GGA2: variants seen among roughly 807,000 people sequenced by gnomAD.
GGA2 encodes the protein ADP-ribosylation factor-binding protein GGA2.
A neutral mutation model predicts 79.5 loss-of-function variants in GGA2; 48 were observed. That is an observed-to-expected ratio of 0.60 (90% CI 0.48 to 0.77). GGA2 has a LOEUF of 0.77. GGA2 is among the 30% of genes least tolerant of loss of function. The probability of loss-of-function intolerance (pLI) is 0.00; values close to 1 mark genes in which losing one functional copy is unlikely to be tolerated. For synonymous variants in GGA2, 317 were observed against 302.0 expected, an observed-to-expected ratio of 1.05 and a Z score of -0.51; for missense variants, 770 against 774.0, an observed-to-expected ratio of 0.99 and a Z score of 0.06.
intron 11 of GGA2, 50 bp from the exon 12 acceptor site, chr16:23,478,961 C>G: frequency 7.7e-7 from 1 of 1,294,578 alleles, no homozygotes; most frequent in Non-Finnish European, 1.1e-6. Flanking sequence ...CCACCTGCTT[C>G]CAGATGAAGA....
chr16:23,510,537 G>A (rs975698956), upstream of GGA2: 1 of 370,046 alleles, frequency 2.7e-6, no homozygotes. Context: ...GGCCGCTGGC[G>A]CCACGCCCAC....
chr16:23,514,800 G>GT (rs1330444227), upstream of GGA2, among the ~76,000 whole-genome samples: 1 of 152,156 alleles, frequency 6.6e-6, no homozygotes, highest in Non-Finnish European at 1.5e-5. Context: ...GAGGAAAGAT[G>GT]TAAGGTATAG....
At chr16:23,516,890 A>G (rs895255316) in intron 2 of GGA2, among the ~76,000 whole-genome samples, 3 of 152,130 alleles carry the variant, frequency 2.0e-5, no homozygotes, top group African/African-American at 7.2e-5. Context: ...AGCTGACATG[A>G]AGGAGGAAGT....
In GGA2 at chr16:23,465,466, C is replaced by A. The variant is rs1964423984; in HGVS notation, c.*2124G>T. The A allele has an allele frequency of 1.4e-6, 1 of 701,342 alleles. No individual in the cohort carries two copies. Among genetic ancestry groups the A allele is most frequent in the African/African-American group, 1.7e-5 (1 of 57,292 alleles). 43.4% of individuals were successfully genotyped at this position (701,342 alleles called of 1,614,324 possible). ...CATAGTAGTACCACTGGGAGTCTGT[C>A]TCCTCAAAAGCAAGAATGTTCAGGT... On this transcript the variant is annotated 3_prime_UTR_variant, in exon 17 of 17. Coordinates refer to ENST00000309859, the MANE Select transcript of GGA2 (RefSeq NM_015044.4).
At chr16:23,488,792 C>A in intron 5 of GGA2, 83 bp from the exon 6 acceptor site, 2 of 775,524 alleles carry the variant, frequency 2.6e-6, no homozygotes, top group Non-Finnish European at 4.5e-6. Context: ...TCTGGAAACC[C>A]CTGGTTCCTA....
intron 1 of GGA2, among the ~76,000 whole-genome samples, 200 bp downstream of exon 1, chr16:23,510,121 G>A: frequency 6.6e-6 from 1 of 151,128 alleles, no homozygotes; most frequent in Non-Finnish European, 1.5e-5. Flanking sequence ...GCTCAGAAGG[G>A]GGCCGCTGCC....
chr16:23,483,993 T>C (rs888846251), intron 8 of GGA2, among the ~76,000 whole-genome samples: 4 of 119,156 alleles, frequency 3.4e-5, no homozygotes, highest in African/African-American at 6.2e-5. Flanking sequence ...AGGAAGACAT[T>C]AAAAAAAAAA....
chr16:23,491,960 G>A (rs1211767809), intron 4 of GGA2, among the ~76,000 whole-genome samples, 160 bp from the exon 5 acceptor site: 1 of 152,074 alleles, frequency 6.6e-6, no homozygotes, highest in South Asian at 2.1e-4. Context: ...GCCCAGCCCC[G>A]GAGCCCTTCC....
Position 23,464,849 on chromosome 16 carries a change from C to G in GGA2, c.*2741G>C, listed in dbSNP as rs1964414463. The G allele has an allele frequency of 6.3e-6, 1 of 158,486 alleles. No individual in the cohort carries two copies. The allele number at this position is 158,486 out of a possible 1,614,324, so 9.8% of individuals were successfully genotyped here. The stretch of plus-strand genomic sequence containing the variant: ...TCTGGCGACAGCAAGGAGGTGGCAG[C>G]TTGAGAGAGGTCTACAACCCACCTA... On this transcript the variant is annotated 3_prime_UTR_variant, in exon 17 of 17. Transcript: ENST00000309859.
chr16:23,498,377 T>A (rs909806488), intron 1 of GGA2, among the ~76,000 whole-genome samples: 16 of 150,996 alleles, frequency 1.1e-4, no homozygotes, highest in African/African-American at 3.7e-4. Flanking sequence ...CAGTGAGCTA[T>A]GATTGTGCAA....
rs1030347786 is a variant in GGA2 at position 23,464,977 on chromosome 16, C to T, written c.*2613G>A. 2 of 256,548 alleles carry T rather than the reference C, an allele frequency of 7.8e-6. No individual in the cohort carries two copies. The highest frequency in any genetic ancestry group is 1.5e-5 in the Non-Finnish European group (2 of 132,128). The allele number at this position is 256,548 out of a possible 1,614,324, so 15.9% of individuals were successfully genotyped here. On this transcript the variant is annotated 3_prime_UTR_variant, in exon 17 of 17. Transcript: ENST00000309859. ...CACTTAAGAGACAGAGGAAAAAGAG[C>T]AGTCACGGAGGTAGGTCACGAAATG...
Position 23,465,500 on chromosome 16 carries a change from G to T in GGA2, c.*2090C>A. ...AGCAAGAATGTTCAGGTACACATGT[G>T]TGAGTTCACCTCCTAACTATAGGGG... On this transcript the variant is annotated 3_prime_UTR_variant, in exon 17 of 17. Transcript: ENST00000309859. 1.4e-6 allele frequency: 1 copy of T among 691,144 alleles called. No homozygotes were observed. The highest frequency in any genetic ancestry group is 1.5e-5 in the South Asian group (1 of 65,588). 42.8% of individuals were successfully genotyped at this position (691,144 alleles called of 1,614,324 possible). A position where few individuals can be genotyped will look rare whatever the true frequency, so the allele number is the denominator to read the frequency against.
At chr16:23,474,693 C>T (rs1403697621) in intron 14 of GGA2, among the ~76,000 whole-genome samples, 1 of 151,824 alleles carries the variant, frequency 6.6e-6, no homozygotes, top group Non-Finnish European at 1.5e-5. Context: ...CTCAAGTGAT[C>T]CTCCCACCTC....
chr16:23,468,188 T>C (rs1964465849), intron 16 of GGA2, among the ~76,000 whole-genome samples: 1 of 152,186 alleles, frequency 6.6e-6, no homozygotes, highest in Non-Finnish European at 1.5e-5. Flanking sequence ...TGTCTATCTA[T>C]CTATCTATTT....
intron 1 of GGA2, among the ~76,000 whole-genome samples, chr16:23,519,973 G>A (rs75577045): frequency 0.012 from 1,772 of 152,280 alleles, 29 homozygotes; most frequent in African/African-American, 0.04. Flanking sequence ...GTTGCCAGGC[G>A]TGGTGGCTCA....
rs1597002177 is a variant in GGA2, at chr16:23,520,125, T to C, written c.9-486A>G. ...GCTGGCTATGGCGGCACATGGCACA[T>C]GCCTGTAATCCCAGCTACTTGGGAG... On this transcript the variant is annotated intron_variant, in intron 1 of 5. Coordinates refer to the GGA2 transcript ENST00000569300. Among the ~76,000 whole-genome samples, 4 of 151,966 alleles carry C rather than the reference T, an allele frequency of 2.6e-5. No homozygotes were observed. In the East Asian group the frequency reaches 7.8e-4, roughly 29 times the overall value.
upstream of GGA2, chr16:23,524,217 C>T (rs1965185993): frequency 1.4e-6 from 1 of 706,934 alleles, no homozygotes; most frequent in East Asian, 2.5e-5. Flanking sequence ...TGTGGTGGAT[C>T]ACAAATGCAC....
chr16:23,480,903 T>A, intron 9 of GGA2, 133 bp from the exon 10 acceptor site: 2 of 832,874 alleles, frequency 2.4e-6, no homozygotes, highest in Non-Finnish European at 3.9e-6. Context: ...TGCCTCCAGG[T>A]TGTGTCATCG....
At chr16:23,518,561 C>G (rs2142152827) in intron 2 of GGA2, among the ~76,000 whole-genome samples, 1 of 152,304 alleles carries the variant, frequency 6.6e-6, no homozygotes, top group Non-Finnish European at 1.5e-5. Flanking sequence ...GTCATCTGTC[C>G]CCAGCCTTCA....
Sources: allele counts gnomAD v4.1 joint callset (sites outside exome capture counted in the v4.1 genomes callset), GRCh38; gene constraint gnomAD v4.1.1; transcripts MANE v1.5; gene names NCBI Gene and HGNC (gene_info 2026-07-23, HGNC 2026-07-21).